The following CDH4 variants were observed in gnomAD, a reference collection of about 807,000 sequenced individuals.
CDH4 encodes cadherin 4.
A neutral mutation model predicts 86.0 loss-of-function variants in CDH4; 33 were observed. That is an observed-to-expected ratio of 0.38 (90% CI 0.29 to 0.51). The LOEUF (loss-of-function observed/expected upper bound fraction) is 0.51, where lower values mean the gene tolerates loss of function less well. CDH4 is among the 20% of genes least tolerant of loss of function. CDH4 has a pLI of 0.86. For synonymous variants in CDH4, 555 were observed against 549.4 expected (o/e 1.01, Z -0.14); for missense variants, 1,114 against 1,307.4 (o/e 0.85, Z 2.28).
intron 2 of CDH4, among the ~76,000 whole-genome samples, chr20:61,652,938 A>ATTTATTTTTTTTTTTTTTTTTTTTTT (rs1555819716): frequency 3.1e-5 from 3 of 97,432 alleles, no homozygotes; most frequent in African/African-American, 6.7e-5. Context: ...TTATTTATTT[A>ATTTATTTTTTTTTTTTTTTTTTTTTT]TTTTTTTTTT....
intron 7 of CDH4, among the ~76,000 whole-genome samples, chr20:61,889,886 G>A (rs1984731858): frequency 7.0e-6 from 1 of 143,116 alleles, no homozygotes; most frequent in Non-Finnish European, 1.5e-5. Flanking sequence ...GGATGGGTGA[G>A]TGAATGGATG....
intron 2 of CDH4, among the ~76,000 whole-genome samples, chr20:61,454,778 A>T (rs1265420535): frequency 1.3e-5 from 2 of 152,054 alleles, no homozygotes; most frequent in Admixed American, 6.5e-5. Context: ...AGCAGTGTAT[A>T]TGGTAGCCTG....
intron 2 of CDH4, among the ~76,000 whole-genome samples, chr20:61,689,004 G>A (rs967396461): frequency 1.3e-5 from 2 of 152,330 alleles, no homozygotes; most frequent in Admixed American, 6.5e-5. Flanking sequence ...ACCTGCCTTC[G>A]CAGCTCCCTC....
chr20:61,849,436 G>T (rs1272625456), intron 5 of CDH4, among the ~76,000 whole-genome samples: 1 of 152,228 alleles, frequency 6.6e-6, no homozygotes, highest in Non-Finnish European at 1.5e-5. Flanking sequence ...CTGTAGGTCA[G>T]AAGTCCAGAT....
At chr20:61,884,273 G>A (rs561455440) in intron 7 of CDH4, among the ~76,000 whole-genome samples, 13 of 152,334 alleles carry the variant, frequency 8.5e-5, no homozygotes, top group East Asian at 3.9e-4. Flanking sequence ...GCAGCTGCAC[G>A]TCACTGTCCT....
chr20:61,439,804 C>G (rs1190662152), intron 2 of CDH4, among the ~76,000 whole-genome samples: 1 of 152,228 alleles, frequency 6.6e-6, no homozygotes, highest in Non-Finnish European at 1.5e-5. Flanking sequence ...GAGACCATCA[C>G]CCTCAGCACT....
Position 61,392,929 on chromosome 20 carries a change from C to A in CDH4, c.169+137992C>A, listed in dbSNP as rs1282743872. Among the ~76,000 whole-genome samples, 1 of 152,110 alleles carries A rather than the reference C, an allele frequency of 6.6e-6. No individual in the cohort carries two copies. The highest frequency in any genetic ancestry group is 1.5e-5 in the Non-Finnish European group (1 of 68,024). ...AGTCTCCCGATCAGGGAAGGAGGTGCAGATACTCACCCCGATACCCACCAA... is the reference window on the plus strand; with the variant it reads ...AGTCTCCCGATCAGGGAAGGAGGTGAAGATACTCACCCCGATACCCACCAA... On this transcript the variant is annotated intron_variant, in intron 2 of 15. Transcript: ENST00000614565. This position sits in a 1 kb window ranked among gnomAD's most constrained non-coding sequence, Gnocchi z 5.7.
At chr20:61,551,864 A>G (rs2086132993) in intron 2 of CDH4, among the ~76,000 whole-genome samples, 1 of 152,240 alleles carries the variant, frequency 6.6e-6, no homozygotes, top group South Asian at 2.1e-4. Flanking sequence ...CAAAGGTGCC[A>G]AAACCATTCA....
At chr20:61,845,356 C>CAGGGGCTCA (rs1799988661) in intron 5 of CDH4, among the ~76,000 whole-genome samples, 2 of 152,260 alleles carry the variant, frequency 1.3e-5, no homozygotes, top group African/African-American at 4.8e-5. Context: ...GATTCCCTGT[C>CAGGGGCTCA]AGGGGCTGTG....
chr20:61,875,977 A>G (rs1391438198), intron 7 of CDH4, among the ~76,000 whole-genome samples: 3 of 152,156 alleles, frequency 2.0e-5, no homozygotes, highest in Non-Finnish European at 4.4e-5. Flanking sequence ...GCTCGTTTCC[A>G]CAGGCTGGCA....
intron 6 of CDH4, among the ~76,000 whole-genome samples, chr20:61,870,208 G>A (rs1035317277): frequency 5.9e-5 from 9 of 152,186 alleles, no homozygotes; most frequent in African/African-American, 1.9e-4. Context: ...ACCGCTGTCC[G>A]ATGCGTGACT....
At chr20:61,267,517 A>G (rs777615487) in intron 2 of CDH4, among the ~76,000 whole-genome samples, 1 of 152,228 alleles carries the variant, frequency 6.6e-6, no homozygotes, top group Non-Finnish European at 1.5e-5. Flanking sequence ...ACTTTAGTGT[A>G]GTAATGGGGT....
chr20:61,610,101 T>G (rs2086673572), intron 2 of CDH4, among the ~76,000 whole-genome samples: 1 of 152,202 alleles, frequency 6.6e-6, no homozygotes, highest in Admixed American at 6.5e-5. Flanking sequence ...TTTGTCTCAC[T>G]TGATGTTTGT....
rs945238990 is a variant in CDH4 at position 61,676,940 on chromosome 20, G to T, written c.170-66623G>T. Among the ~76,000 whole-genome samples, 21 of 152,124 alleles carry T rather than the reference G, an allele frequency of 1.4e-4. No homozygotes were observed. The highest frequency in any genetic ancestry group is 2.2e-4 in the Non-Finnish European group (15 of 68,010). ...TGAGGTGGTGGGCCAGGCTGCAGTG[G>T]GACCAGCGGTCCAAGACCTTGGGGC... On this transcript the variant is annotated intron_variant, in intron 2 of 15. Transcript: ENST00000614565. The surrounding 1 kb of genome is among the most constrained non-coding windows in gnomAD (Gnocchi z 4.5).
At chr20:61,644,379 G>C (rs1034319304) in intron 2 of CDH4, among the ~76,000 whole-genome samples, 1 of 152,300 alleles carries the variant, frequency 6.6e-6, no homozygotes, top group Non-Finnish European at 1.5e-5. Context: ...CTTCGAGGAC[G>C]GGGAGCAGAG....
intron 7 of CDH4, among the ~76,000 whole-genome samples, chr20:61,875,002 G>A (rs1017502729): frequency 1.3e-5 from 2 of 152,200 alleles, no homozygotes; most frequent in Non-Finnish European, 2.9e-5. Flanking sequence ...GGTGTGCGGG[G>A]ACCCCACTGC....
chr20:61,433,950 AC>A (rs1284235757), intron 2 of CDH4, among the ~76,000 whole-genome samples: 16 of 152,106 alleles, frequency 1.1e-4, no homozygotes, highest in African/African-American at 3.6e-4. Flanking sequence ...ACATAGACCC[AC>A]CCACCTGCCC....
chr20:61,723,793 T>C (rs1055531587), intron 2 of CDH4, among the ~76,000 whole-genome samples: 2 of 152,138 alleles, frequency 1.3e-5, no homozygotes, highest in African/African-American at 4.8e-5. Context: ...GCTGGGAAAA[T>C]TCAGGGTCAT....
Position 61,684,001 on chromosome 20 carries a change from C to T in CDH4, c.170-59562C>T, listed in dbSNP as rs962691279. Among the ~76,000 whole-genome samples, 2 of 152,196 alleles carry T rather than the reference C, an allele frequency of 1.3e-5. No homozygotes were observed. Among genetic ancestry groups the T allele is most frequent in the African/African-American group, 4.8e-5 (2 of 41,440 alleles). ...CATCATCCCCTTCCCAGGAGCTCCT[C>T]GTGTCTGGGGAGGTGGGCGTGGCAG... On this transcript the variant is annotated intron_variant, in intron 2 of 15. Coordinates refer to ENST00000614565, the MANE Select transcript of CDH4 (RefSeq NM_001794.5). The surrounding 1 kb of genome is among the most constrained non-coding windows in gnomAD (Gnocchi z 4.5).
Sources: allele counts gnomAD v4.1 joint callset (sites outside exome capture counted in the v4.1 genomes callset), GRCh38; gene constraint gnomAD v4.1.1; non-coding constraint Gnocchi (gnomAD v3.1); transcripts MANE v1.5; gene names NCBI Gene and HGNC (gene_info 2026-07-23, HGNC 2026-07-21).